E4F1: variants seen among roughly 807,000 people sequenced by gnomAD.
E4F1 encodes E4F transcription factor 1.
A neutral mutation model predicts 72.9 loss-of-function variants in E4F1; 30 were observed. The observed-to-expected ratio is 0.41, with a 90% confidence interval of 0.31 to 0.56. The LOEUF is 0.56. E4F1 is among the 20% of genes least tolerant of loss of function. E4F1 has a pLI of 0.25. For synonymous variants in E4F1, 542 were observed against 478.2 expected (o/e 1.13, Z -1.74); for missense variants, 1,091 against 1,117.5 (o/e 0.98, Z 0.34).
rs544883555 is a variant in E4F1, at chr16:2,233,893, C to G, written c.1278C>G (p.Ser426Arg). Residue 426 changes from serine (S) to arginine (R), a missense_variant, in exon 9 of 14, where the codon AGC (serine) becomes AGG (arginine). This residue lies in a region of E4F1 where 622 missense variants were observed against 628.0 expected (regional missense o/e 0.99). Transcript: ENST00000301727. Reference sequence around the variant, plus strand: ...CTGTGGTTCCCCAGCAGGTGGCCAGCGAGGCCTCAGCGGTGCCCAGGACCC... The same window carrying G: ...CTGTGGTTCCCCAGCAGGTGGCCAGGGAGGCCTCAGCGGTGCCCAGGACCC... ...EVQPLETQVA[S>R]EASAVPRTHP... The G allele has an allele frequency of 4.4e-6, 7 of 1,594,900 alleles. No individual in the cohort carries two copies. Among genetic ancestry groups the G allele is most frequent in the South Asian group, 3.4e-5 (3 of 88,306 alleles).
chr16:2,233,404 C>T, intron 7 of E4F1, 34 bp from the exon 8 acceptor site: 2 of 1,492,366 alleles, frequency 1.3e-6, no homozygotes, highest in Non-Finnish European at 1.8e-6. Context: ...TGCCAGGCTG[C>T]CTGGCCAGCC....
chr16:2,233,653 T>A lies in E4F1; in HGVS notation c.1266+6T>A. The A allele has an allele frequency of 6.6e-7, 1 of 1,525,092 alleles. No homozygotes were observed. The highest frequency in any genetic ancestry group is 8.8e-7 in the Non-Finnish European group (1 of 1,136,992). The allele number at this position is 1,525,092 out of a possible 1,614,324, so 94.5% of individuals were successfully genotyped here. On this transcript the variant is annotated splice_donor_region_variant and intron_variant, in intron 8 of 13. Coordinates refer to ENST00000301727, the MANE Select transcript of E4F1 (RefSeq NM_004424.5). ...AAGTGCAGCCGCTGGAGACAGTAGGTGCCAGCACCACCTGCGGGCTCCTCC... is the reference window on the plus strand; with the variant it reads ...AAGTGCAGCCGCTGGAGACAGTAGGAGCCAGCACCACCTGCGGGCTCCTCC...
intron 1 of E4F1, among the ~76,000 whole-genome samples, chr16:2,227,929 G>T (rs2093442030): frequency 6.7e-6 from 1 of 150,142 alleles, no homozygotes; most frequent in Non-Finnish European, 1.5e-5. Context: ...CCCTTAAAGT[G>T]CTGAGATTAC....
In E4F1 at chr16:2,233,062, G is replaced by A. The variant is rs1328687245; in HGVS notation, c.935G>A (p.Gly312Asp). The stretch of plus-strand genomic sequence containing the variant: ...GGGACAGCCACATCATCGGTGACAG[G>A]CGAGCCTATAGAGACTTCACCCGTG... ...GLGTATSSVTGEPIETSPVIH... is the reference protein window; with the variant it reads ...GLGTATSSVTDEPIETSPVIH... Residue 312 changes from glycine (G) to aspartate (D), a missense_variant, in exon 7 of 14, where the codon GGC becomes GAC. Physicochemically the swap from Gly to Asp is moderately conservative, Grantham distance 94. This residue lies in a region of E4F1 where 101 missense variants were observed against 97.4 expected (regional missense o/e 1.04). Coordinates refer to ENST00000301727, the MANE Select transcript of E4F1 (RefSeq NM_004424.5). The A allele has an allele frequency of 2.5e-6, 4 of 1,611,572 alleles. No individual in the cohort carries two copies. Among genetic ancestry groups the A allele is most frequent in the South Asian group, 1.1e-5 (1 of 91,058 alleles).
At chr16:2,228,275 G>T (rs1418651585) in intron 1 of E4F1, 97 bp from the exon 2 acceptor site, 1 of 1,515,524 alleles carries the variant, frequency 6.6e-7, no homozygotes, top group Admixed American at 1.9e-5. Flanking sequence ...ATGGCCTCCT[G>T]GGGGAATCTG....
chr16:2,234,773 G>A lies in E4F1; in HGVS notation c.1784G>A (p.Arg595His), dbSNP rs1005497237. The change falls in exon 11 of 14, where the codon CGC becomes CAC. Residue 595 changes from arginine to histidine, a missense_variant. Arg to His is a conservative substitution (Grantham distance 29). Around this residue, in one of 5 missense-constraint regions of E4F1, gnomAD observed 622 missense variants for 628.0 expected, o/e 0.99. Coordinates refer to ENST00000301727, the MANE Select transcript of E4F1 (RefSeq NM_004424.5). ...AEHGTLNRHL[R>H]TKGGCLLEVE... The stretch of plus-strand genomic sequence containing the variant: ...CACGGCACGCTGAACCGGCACCTGC[G>A]CACCAAAGGTCTGGGCCGGTGGAGG... 1.3e-5 allele frequency: 17 copies of A among 1,283,372 alleles called. No individual in the cohort carries two copies. Among genetic ancestry groups the A allele is most frequent in the Middle Eastern group, 2.9e-4 (1 of 3,434 alleles). The allele number at this position is 1,283,372 out of a possible 1,614,324, so 79.5% of individuals were successfully genotyped here. A position where few individuals can be genotyped will look rare whatever the true frequency, so the allele number is the denominator to read the frequency against.
In E4F1 at chr16:2,223,666, A is replaced by G; in HGVS notation, c.53A>G (p.Gln18Arg). Residue 18 changes from glutamine to arginine, a missense_variant, in exon 1 of 14, where the codon CAG becomes CGG. Physicochemically the swap from Gln to Arg is conservative, Grantham distance 43 (BLOSUM62 1). This residue lies in a region of E4F1 where 362 missense variants were observed against 358.6 expected (regional missense o/e 1.01). Coordinates refer to ENST00000301727, the MANE Select transcript of E4F1 (RefSeq NM_004424.5). ...RVTAAHTAEAQAEAGREAGEG... is the reference protein window; with the variant it reads ...RVTAAHTAEARAEAGREAGEG... ...ACGGCCGCTCATACGGCAGAAGCCC[A>G]GGCCGAAGCCGGGCGGGAAGCGGGC... 3.2e-6 allele frequency: 5 copies of G among 1,584,740 alleles called. No homozygotes were observed. The highest frequency in any genetic ancestry group is 1.7e-5 in the Admixed American group (1 of 57,914).
intron 6 of E4F1, 31 bp downstream of exon 6, chr16:2,232,939 T>C: frequency 6.2e-7 from 1 of 1,612,770 alleles, no homozygotes; most frequent in South Asian, 1.1e-5. Flanking sequence ...TGCCTGGTCC[T>C]GGGGGCTGGC....
rs1374358888 is a variant in E4F1, at chr16:2,232,497, C to A, written c.651C>A (p.Arg217=). ...LKAHMVTHSS[R]KDHECKLCGA... ...CCCACATGGTCACTCACAGCAGCCG[C>A]AAGGACCACGAGTGCAAGCTCTGTG... The change falls in exon 5 of 14, where the codon CGC becomes CGA. Residue 217 remains arginine, a synonymous_variant. Coordinates refer to ENST00000301727, the MANE Select transcript of E4F1 (RefSeq NM_004424.5). 6.2e-7 allele frequency: 1 copy of A among 1,611,772 alleles called. No homozygotes were observed. Among genetic ancestry groups the A allele is most frequent in the South Asian group, 1.1e-5 (1 of 90,878 alleles).
intron 3 of E4F1, chr16:2,231,688 G>A (rs935819552): frequency 1.9e-5 from 3 of 159,016 alleles, no homozygotes; most frequent in African/African-American, 7.2e-5. Flanking sequence ...GCCTTGGGAC[G>A]GGGCTCTGGC....
chr16:2,232,127 G>C (rs1419917619), intron 3 of E4F1, 44 bp from the exon 4 acceptor site: 1 of 1,600,494 alleles, frequency 6.2e-7, no homozygotes, highest in Admixed American at 1.7e-5. Context: ...GGGGTCTCTG[G>C]ACAGGGGCAG....
rs761692430 is a variant in E4F1, at chr16:2,233,947, C to T, written c.1332C>T (p.Phe444=). Residue 444 remains phenylalanine, a synonymous_variant, in exon 9 of 14, where the codon TTC becomes TTT. Transcript: ENST00000301727. Reference sequence around the variant, plus strand: ...CATGTCCTCAGTGCAGTGAGACCTTCCCGACAGCAGCCACCCTGGAGGCCC... The same window carrying T: ...CATGTCCTCAGTGCAGTGAGACCTTTCCGACAGCAGCCACCCTGGAGGCCC... ...THPCPQCSET[F]PTAATLEAHK... 3.7e-6 allele frequency: 6 copies of T among 1,602,196 alleles called. No homozygotes were observed. The highest frequency in any genetic ancestry group is 3.4e-6 in the Non-Finnish European group (4 of 1,174,804).
chr16:2,233,285 G>A (rs970845245), intron 7 of E4F1, 102 bp downstream of exon 7: 13 of 1,484,912 alleles, frequency 8.8e-6, no homozygotes, highest in Non-Finnish European at 1.2e-5. Flanking sequence ...CCAGGCAGGC[G>A]AGGGCTGGGC....
chr16:2,223,894 T>C, intron 1 of E4F1, 124 bp downstream of exon 1: 1 of 1,532,214 alleles, frequency 6.5e-7, no homozygotes. Context: ...CTCGCGGATC[T>C]CGCGGGACCC....
At chr16:2,228,674 GGT>G in intron 2 of E4F1, 151 bp downstream of exon 2, 3 of 1,046,004 alleles carry the variant, frequency 2.9e-6, no homozygotes, top group Non-Finnish European at 2.7e-6. Flanking sequence ...GGAGGGTCCG[GGT>G]GTGTGAGCCT....
chr16:2,225,543 G>A (rs1275137132), intron 1 of E4F1, among the ~76,000 whole-genome samples: 1 of 150,062 alleles, frequency 6.7e-6, no homozygotes, highest in Non-Finnish European at 1.5e-5. Context: ...GTGCGATCTC[G>A]GCTCACCGCA....
intron 1 of E4F1, 58 bp downstream of exon 1, chr16:2,223,828 C>G (rs746571873): frequency 6.5e-7 from 1 of 1,531,942 alleles, no homozygotes; most frequent in Non-Finnish European, 8.7e-7. Flanking sequence ...CCCGGGCTGG[C>G]AGAGGCCCGG....
intron 1 of E4F1, chr16:2,223,978 C>T (rs566420745): frequency 2.0e-6 from 3 of 1,505,242 alleles, no homozygotes; most frequent in Non-Finnish European, 1.8e-6. Context: ...CTGTCATCCC[C>T]CCTCTCTGGT....
chr16:2,232,054 G>A, intron 3 of E4F1, 117 bp from the exon 4 acceptor site: 1 of 1,321,062 alleles, frequency 7.6e-7, no homozygotes. Flanking sequence ...AGGGCTCAGT[G>A]CAGGTTGGGT....
Sources: allele counts gnomAD v4.1 joint callset (sites outside exome capture counted in the v4.1 genomes callset), GRCh38; gene constraint gnomAD v4.1.1; regional missense constraint gnomAD v4.1.1; transcripts MANE v1.5; gene names NCBI Gene and HGNC (gene_info 2026-07-23, HGNC 2026-07-21).